Variants in MYRIP observed in about 807,000 individuals in gnomAD.
The protein encoded by MYRIP is myosin VIIA and Rab interacting protein, also known as rab effector MyRIP.
In MYRIP, 49 loss-of-function variants were observed where a neutral mutation model predicts 98.0. That is an observed-to-expected ratio of 0.50 (90% CI 0.40 to 0.63). The LOEUF (loss-of-function observed/expected upper bound fraction) is 0.63. Among genes scored for constraint, MYRIP ranks in the 30% least tolerant of loss-of-function variants. The pLI, the probability that MYRIP is intolerant of heterozygous loss-of-function variation, is 0.00. For missense variants in MYRIP, 1,004 were observed against 1,058.2 expected (o/e 0.95, Z 0.71); for synonymous variants, 404 against 409.5 (o/e 0.99, Z 0.16).
At chr3:40,218,714 T>A (rs1461266992) in intron 11 of MYRIP, among the ~76,000 whole-genome samples, 1 of 148,488 alleles carries the variant, frequency 6.7e-6, no homozygotes, top group Non-Finnish European at 1.5e-5. Flanking sequence ...ATGAAACTCA[T>A]CTGAATAAAA....
At chr3:40,145,717 AG>A (rs1949994807) in intron 3 of MYRIP, among the ~76,000 whole-genome samples, 1 of 152,230 alleles carries the variant, frequency 6.6e-6, no homozygotes, top group African/African-American at 2.4e-5. Flanking sequence ...GAAATTGTTT[AG>A]CTGGCAGCAT....
chr3:40,030,085 A>AAGAG (rs1947223786), intron 2 of MYRIP, among the ~76,000 whole-genome samples: 1 of 151,450 alleles, frequency 6.6e-6, no homozygotes, highest in Non-Finnish European at 1.5e-5. Context: ...AAAGGAAAGA[A>AAGAG]AGAGAGAGAA....
chr3:40,103,723 C>T (rs942491214), intron 3 of MYRIP, among the ~76,000 whole-genome samples: 1 of 152,040 alleles, frequency 6.6e-6, no homozygotes, highest in Non-Finnish European at 1.5e-5. Flanking sequence ...CGTGCCATTG[C>T]ACTCCAGCCT....
intron 2 of MYRIP, among the ~76,000 whole-genome samples, chr3:39,945,677 A>T (rs996657609): frequency 2.6e-5 from 4 of 152,030 alleles, no homozygotes; most frequent in African/African-American, 9.7e-5. Flanking sequence ...TATTTAGTCA[A>T]TTAAAAAGTT....
intron 3 of MYRIP, among the ~76,000 whole-genome samples, chr3:40,136,752 A>G (rs903439143): frequency 3.3e-5 from 5 of 152,244 alleles, no homozygotes; most frequent in African/African-American, 7.2e-5. Context: ...GATCAACTAC[A>G]TGGGAACTGA....
chr3:39,827,913 C>T (rs1280339538), intron 1 of MYRIP, among the ~76,000 whole-genome samples: 3 of 151,754 alleles, frequency 2.0e-5, no homozygotes, highest in African/African-American at 7.3e-5. Flanking sequence ...ATATATCATT[C>T]CATTCTCTCC....
chr3:40,154,590 G>A (rs1026282467), intron 4 of MYRIP, among the ~76,000 whole-genome samples: 3 of 152,042 alleles, frequency 2.0e-5, no homozygotes, highest in Non-Finnish European at 2.9e-5. Flanking sequence ...TCTGCAGGAC[G>A]TGCAGGTTTG....
chr3:39,973,690 A>T (rs1250322204), intron 2 of MYRIP, among the ~76,000 whole-genome samples: 1 of 110,706 alleles, frequency 9.0e-6, no homozygotes, highest in East Asian at 2.2e-4. Flanking sequence ...AAGAGAAATT[A>T]TAACAAACTA....
At chr3:40,068,003 A>C (rs1361097299) in intron 3 of MYRIP, among the ~76,000 whole-genome samples, 1 of 152,236 alleles carries the variant, frequency 6.6e-6, no homozygotes, top group Admixed American at 6.5e-5. Context: ...TTAATAGTCT[A>C]TCATGATATT....
chr3:40,128,178 A>C (rs1949559907), intron 3 of MYRIP, among the ~76,000 whole-genome samples: 2 of 152,204 alleles, frequency 1.3e-5, no homozygotes, highest in African/African-American at 4.8e-5. Context: ...AGCAAACAAG[A>C]CATGGAGTTT....
intron 2 of MYRIP, among the ~76,000 whole-genome samples, chr3:39,981,729 A>G (rs1422566073): frequency 1.3e-5 from 2 of 152,178 alleles, no homozygotes; most frequent in African/African-American, 4.8e-5. Context: ...TTATCTGACA[A>G]ATTTCTTCCA....
At chr3:39,854,343 T>A (rs1374975286) in intron 1 of MYRIP, among the ~76,000 whole-genome samples, 1 of 152,126 alleles carries the variant, frequency 6.6e-6, no homozygotes, top group Admixed American at 6.5e-5. Context: ...TTAATTTTTT[T>A]ATTCTTTTTT....
At chr3:40,019,593 ATTTAT>A (rs1946946189) in intron 2 of MYRIP, among the ~76,000 whole-genome samples, 1 of 152,138 alleles carries the variant, frequency 6.6e-6, no homozygotes, top group Non-Finnish European at 1.5e-5. Flanking sequence ...GTGAACTGTG[ATTTAT>A]TTTATGTCCC....
At chr3:40,103,686 G>A (rs1213080963) in intron 3 of MYRIP, among the ~76,000 whole-genome samples, 1 of 152,136 alleles carries the variant, frequency 6.6e-6, no homozygotes, top group Non-Finnish European at 1.5e-5. Context: ...TTGAACCCAG[G>A]AGGCGGAGGT....
intron 3 of MYRIP, among the ~76,000 whole-genome samples, chr3:40,089,010 G>A (rs1025868244): frequency 2.6e-5 from 4 of 151,984 alleles, no homozygotes; most frequent in Non-Finnish European, 5.9e-5. Flanking sequence ...GGGGAGGGAG[G>A]AGTCAGGAGT....
At chr3:40,220,285 T>G (rs1952296650) in intron 11 of MYRIP, among the ~76,000 whole-genome samples, 1 of 152,292 alleles carries the variant, frequency 6.6e-6, no homozygotes, top group African/African-American at 2.4e-5. Flanking sequence ...TTTTGTAGGT[T>G]GCCTGTTCAC....
intron 3 of MYRIP, among the ~76,000 whole-genome samples, chr3:40,046,904 G>C (rs910935862): frequency 2.0e-5 from 3 of 152,098 alleles, no homozygotes; most frequent in Admixed American, 2.0e-4. Context: ...AGTAAGAAAA[G>C]TCACCAAATT....
chr3:40,135,400 C>T (rs1949742032), intron 3 of MYRIP, among the ~76,000 whole-genome samples: 1 of 152,212 alleles, frequency 6.6e-6, no homozygotes. Flanking sequence ...ACCAAATCTA[C>T]ATCTGATTGG....
intron 3 of MYRIP, among the ~76,000 whole-genome samples, chr3:40,055,236 G>A (rs1947861711): frequency 6.6e-6 from 1 of 152,088 alleles, no homozygotes; most frequent in South Asian, 2.1e-4. Flanking sequence ...ATATATCTTA[G>A]TGGCATTACA....
Sources: allele counts gnomAD v4.1 joint callset (sites outside exome capture counted in the v4.1 genomes callset), GRCh38; gene constraint gnomAD v4.1.1; transcripts MANE v1.5; gene names NCBI Gene and HGNC (gene_info 2026-07-23, HGNC 2026-07-21).